Variants in FAT4 observed in about 807,000 individuals in gnomAD.
FAT4 encodes the protein protocadherin Fat 4.
In FAT4, 84 loss-of-function variants were observed where a neutral mutation model predicts 303.9. That is an observed-to-expected ratio of 0.28 (90% CI 0.23 to 0.33). The LOEUF (loss-of-function observed/expected upper bound fraction) is 0.33, where lower values mean the gene tolerates loss of function less well. Ranked by LOEUF, FAT4 falls within the 10% of genes least tolerant of loss-of-function variation. FAT4 has a pLI of 1.00. For missense variants in FAT4, 6,005 were observed against 6,146.8 expected (o/e 0.98, Z 0.77); for synonymous variants, 2,307 against 2,298.8 (o/e 1.00, Z -0.10).
chr4:125,398,977 A>G (rs1734284954), intron 3 of FAT4, 62 bp downstream of exon 3: 4 of 1,546,430 alleles, frequency 2.6e-6, no homozygotes, highest in African/African-American at 2.7e-5. Context: ...TCAAATTTCT[A>G]GGATATGTTG....
chr4:125,480,866 T>A (rs1481827080), intron 15 of FAT4, among the ~76,000 whole-genome samples: 1 of 152,110 alleles, frequency 6.6e-6, no homozygotes, highest in Non-Finnish European at 1.5e-5. Flanking sequence ...TCTTTTAAAG[T>A]GTATCTTTCA....
At chr4:125,422,612 T>C (rs1412072963) in intron 7 of FAT4, among the ~76,000 whole-genome samples, 1 of 152,218 alleles carries the variant, frequency 6.6e-6, no homozygotes, top group African/African-American at 2.4e-5. Flanking sequence ...TTCCCAGCCA[T>C]GCCAAACTGT....
In FAT4 at chr4:125,317,020, G is replaced by A; in HGVS notation, c.609G>A (p.Val203=). 6.2e-7 allele frequency: 1 copy of A among 1,614,102 alleles called. No homozygotes were observed. The highest frequency in any genetic ancestry group is 8.5e-7 in the Non-Finnish European group (1 of 1,180,040). The change falls in exon 2 of 18, where the codon GTG becomes GTA. Residue 203 remains valine (V), a synonymous_variant. Transcript: ENST00000394329. This position sits in a 1 kb window ranked among gnomAD's most constrained non-coding sequence, Gnocchi z 7.0. ...PSGEGAFLHL[V]SKGGLDREVT... ...GCGAGGGAGCGTTCCTGCATCTGGT[G>A]TCCAAGGGCGGACTGGACCGTGAGG...
intron 7 of FAT4, among the ~76,000 whole-genome samples, chr4:125,431,065 C>T (rs1395877826): frequency 6.6e-6 from 1 of 152,156 alleles, no homozygotes; most frequent in Non-Finnish European, 1.5e-5. Flanking sequence ...AATGTATCTA[C>T]AGTAATATAT....
At chr4:125,417,034 C>T (rs934411413) in intron 7 of FAT4, among the ~76,000 whole-genome samples, 49 of 152,076 alleles carry the variant, frequency 3.2e-4, no homozygotes, top group African/African-American at 1.1e-3. Flanking sequence ...AATATTTGTT[C>T]ACTTTTACTA....
intron 16 of FAT4, among the ~76,000 whole-genome samples, chr4:125,487,016 T>A (rs1430180479): frequency 2.0e-5 from 3 of 152,190 alleles, no homozygotes; most frequent in Non-Finnish European, 4.4e-5. Flanking sequence ...GTCATTGGAA[T>A]ACAAATAATT....
rs774134577 is a variant in FAT4, at chr4:125,450,408, G to A, written c.9398G>A (p.Gly3133Glu). Reference protein sequence around the residue: ...NGLIKYSISSGNEEGIFAINS... With the variant: ...NGLIKYSISSENEEGIFAINS... ...TTGATTAAGTACAGCATTTCTTCAG[G>A]AAATGAAGAAGGCATTTTTGCAATC... Residue 3133 changes from glycine (G) to glutamate (E), a missense_variant, in exon 10 of 18, where the codon GGA becomes GAA. By Grantham distance (98) the Gly-to-Glu change is moderately conservative. Transcript: ENST00000394329. 1.9e-6 allele frequency: 3 copies of A among 1,614,044 alleles called. No homozygotes were observed. Among genetic ancestry groups the A allele is most frequent in the Non-Finnish European group, 2.5e-6 (3 of 1,179,986 alleles).
chr4:125,408,806 A>T lies in FAT4; in HGVS notation c.5920+12A>T. ...TGATGCAGATGATGGTATGTATTTT[A>T]TTTAATATAATTTTTAAAACATCTA... On this transcript the variant is annotated intron_variant, in intron 5 of 17. Coordinates refer to ENST00000394329, the MANE Select transcript of FAT4 (RefSeq NM_001291303.3). 1 of 1,274,454 alleles carries T rather than the reference A, an allele frequency of 7.8e-7. No individual in the cohort carries two copies. Among genetic ancestry groups the T allele is most frequent in the Non-Finnish European group, 1.1e-6 (1 of 941,932 alleles). The allele number at this position is 1,274,454 out of a possible 1,614,324, so 78.9% of individuals were successfully genotyped here. A position where few individuals can be genotyped will look rare whatever the true frequency, so the allele number is the denominator to read the frequency against.
In FAT4 at chr4:125,320,985, A is replaced by G; in HGVS notation, c.4574A>G (p.Asn1525Ser). ...ATTTTGGTTACAGACCTCAATGACA[A>G]TGTCCCAATGTTTATATCACAAAAC... ...VTILVTDLND[N>S]VPMFISQNAL... Residue 1525 changes from asparagine (N) to serine (S), a missense_variant, in exon 2 of 18, where the codon AAT becomes AGT. By Grantham distance (46) the Asn-to-Ser change is conservative. Transcript: ENST00000394329. The G allele has an allele frequency of 6.2e-7, 1 of 1,614,184 alleles. No individual in the cohort carries two copies. The highest frequency in any genetic ancestry group is 8.5e-7 in the Non-Finnish European group (1 of 1,180,006).
At chr4:125,348,059 AC>A (rs1342812528) in intron 2 of FAT4, among the ~76,000 whole-genome samples, 1 of 151,738 alleles carries the variant, frequency 6.6e-6, no homozygotes, top group African/African-American at 2.4e-5. Context: ...ATTTCACATC[AC>A]TCAGTCCCTG....
chr4:125,447,600 T>C (rs1304322365), intron 9 of FAT4, among the ~76,000 whole-genome samples: 2 of 152,170 alleles, frequency 1.3e-5, no homozygotes, highest in South Asian at 2.1e-4. Flanking sequence ...ATTGGACTTA[T>C]AACCACTGGC....
At chr4:125,361,528 A>G (rs1732669461) in intron 2 of FAT4, among the ~76,000 whole-genome samples, 1 of 152,154 alleles carries the variant, frequency 6.6e-6, no homozygotes, top group African/African-American at 2.4e-5. Flanking sequence ...ACAAGTGTTC[A>G]TTCAAACTCT....
At position 125,319,928 on chromosome 4, in the gene FAT4, G is replaced by C; in HGVS notation, c.3517G>C (p.Ala1173Pro). Residue 1173 changes from alanine to proline, a missense_variant, in exon 2 of 18, where the codon GCT (alanine) becomes CCT (proline). By Grantham distance (27) the Ala-to-Pro change is conservative (BLOSUM62 -1). Transcript: ENST00000394329. ...GTCTCTTATGAGGCGGAGAGGGACTGCTGTGTTTAGCTTTACAGTCATAGC... is the reference window on the plus strand; with the variant it reads ...GTCTCTTATGAGGCGGAGAGGGACTCCTGTGTTTAGCTTTACAGTCATAGC... ...RESLMRRRGT[A>P]VFSFTVIATD... 8 of 1,613,716 alleles carry C rather than the reference G, an allele frequency of 5.0e-6. No homozygotes were observed. Among genetic ancestry groups the C allele is most frequent in the Non-Finnish European group, 6.8e-6 (8 of 1,180,006 alleles).
intron 2 of FAT4, among the ~76,000 whole-genome samples, chr4:125,383,435 T>C (rs1163531790): frequency 6.6e-6 from 1 of 152,138 alleles, no homozygotes; most frequent in African/African-American, 2.4e-5. Context: ...ACAATATTTA[T>C]CCATCCAGTT....
intron 2 of FAT4, among the ~76,000 whole-genome samples, chr4:125,384,498 A>G (rs966642452): frequency 2.6e-5 from 4 of 152,004 alleles, no homozygotes; most frequent in Non-Finnish European, 5.9e-5. Context: ...CCCATTTTAA[A>G]TTGGGTTATT....
intron 2 of FAT4, among the ~76,000 whole-genome samples, chr4:125,386,453 A>G (rs998950021): frequency 6.6e-6 from 1 of 152,082 alleles, no homozygotes; most frequent in South Asian, 2.1e-4. Context: ...TATTTTTAGT[A>G]GAGACAGGGT....
chr4:125,450,886 G>A lies in FAT4; in HGVS notation c.9876G>A (p.Gly3292=), dbSNP rs115219562. The A allele has an allele frequency of 2.0e-3, 3,280 of 1,614,078 alleles. 69 individuals are homozygous for A. In the African/African-American group the frequency reaches 0.039, roughly 19 times the overall value. The change falls in exon 10 of 18, where the codon GGG becomes GGA. Residue 3292 remains glycine (G), a synonymous_variant. Coordinates refer to ENST00000394329, the MANE Select transcript of FAT4 (RefSeq NM_001291303.3). Reference sequence around the variant, plus strand: ...CCACTGTTAATATACAATTAAAAGGGACAAATGAATATGTGCCCCGTTTTG... The same window carrying A: ...CCACTGTTAATATACAATTAAAAGGAACAAATGAATATGTGCCCCGTTTTG... ...SFATVNIQLK[G]TNEYVPRFVS...
At chr4:125,477,035 A>C (rs1727052218) in intron 13 of FAT4, 120 bp from the exon 14 acceptor site, 1 of 714,766 alleles carries the variant, frequency 1.4e-6, no homozygotes, top group Non-Finnish European at 2.0e-6. Flanking sequence ...TTTCCATTGA[A>C]ATTTATCACA....
At chr4:125,388,864 T>C (rs561282190) in intron 2 of FAT4, among the ~76,000 whole-genome samples, 2 of 152,156 alleles carry the variant, frequency 1.3e-5, no homozygotes, top group Non-Finnish European at 2.9e-5. Context: ...TTCTAGCCAT[T>C]CTTGTCACTC....
Sources: gnomAD v4.1 joint callset for allele counts (sites outside exome capture counted in the v4.1 genomes callset) on GRCh38, gnomAD v4.1.1 for gene constraint, Gnocchi (gnomAD v3.1) non-coding constraint, MANE v1.5 for transcripts, NCBI Gene and HGNC (gene_info 2026-07-23, HGNC 2026-07-21) for gene names.